NAALADL2: variants seen among roughly 807,000 people sequenced by gnomAD.
NAALADL2 encodes inactive N-acetylated-alpha-linked acidic dipeptidase-like protein 2.
Under a neutral mutation model 87.2 loss-of-function variants are expected in NAALADL2, and 76 were observed. The observed-to-expected ratio is 0.87, with a 90% CI of 0.72 to 1.05. The LOEUF is 1.05. Ranked by LOEUF, NAALADL2 falls within the 50% of genes least tolerant of loss-of-function variation. The pLI is 0.00. For synonymous variants in NAALADL2, 354 were observed against 331.0 expected (o/e 1.07, Z -0.75); for missense variants, 1,089 against 945.8 (o/e 1.15, Z -1.99).
intron 2 of NAALADL2, among the ~76,000 whole-genome samples, chr3:175,161,051 T>C (rs896734425): frequency 2.6e-5 from 4 of 152,132 alleles, no homozygotes; most frequent in African/African-American, 4.8e-5. Context: ...AAAAAGTACA[T>C]ATGGAAGCAT....
chr3:175,032,699 T>TA (rs1387144747), intron 1 of NAALADL2, among the ~76,000 whole-genome samples: 1 of 152,134 alleles, frequency 6.6e-6, no homozygotes, highest in South Asian at 2.1e-4. Flanking sequence ...ACTACAAAAT[T>TA]AAAAAATATA....
chr3:174,800,315 G>C (rs1718671167), intron 3 of NAALADL2, among the ~76,000 whole-genome samples: 1 of 152,100 alleles, frequency 6.6e-6, no homozygotes, highest in South Asian at 2.1e-4. Context: ...ATGCAGTCTA[G>C]GGACTTGGTA....
At chr3:175,131,979 A>C (rs868490680) in intron 2 of NAALADL2, among the ~76,000 whole-genome samples, 1 of 87,000 alleles carries the variant, frequency 1.1e-5, no homozygotes, top group African/African-American at 4.5e-5. Context: ...CGGACGGGGC[A>C]GCTGGCCGGG....
rs559068571 is a variant in NAALADL2, at chr3:175,370,982, G to A, written c.1090+46657G>A. On this transcript the variant is annotated intron_variant, in intron 5 of 13. Transcript: ENST00000454872. Reference sequence around the variant, plus strand: ...ACATTATGTTCAGAATCATTGAAATGTCTGACAACACTGTTGATTAAAAAT... The same window carrying A: ...ACATTATGTTCAGAATCATTGAAATATCTGACAACACTGTTGATTAAAAAT... 2.0e-5 allele frequency among the ~76,000 whole-genome samples: 3 copies of A among 152,192 alleles called. No homozygotes were observed. The South Asian group carries it at 6.2e-4, about 32-fold the overall frequency.
intron 2 of NAALADL2, among the ~76,000 whole-genome samples, chr3:175,151,783 G>C (rs1054921645): frequency 1.3e-5 from 2 of 151,978 alleles, no homozygotes; most frequent in African/African-American, 4.8e-5. Flanking sequence ...ATCATCAAAG[G>C]CTATGGATTA....
In NAALADL2 at chr3:174,609,727, T is replaced by G. The variant is rs184755679; in HGVS notation, c.-115+59090T>G. Among the ~76,000 whole-genome samples, 239 of 152,218 alleles carry G rather than the reference T, an allele frequency of 1.6e-3. 2 individuals are homozygous for G. Among genetic ancestry groups the G allele is most frequent in the African/African-American group, 5.7e-3 (235 of 41,520 alleles). ...GTAGGAAGAATCAATATCGTGAAAA[T>G]GGCCATACTGCCCAAGGTAATTTAT... On this transcript the variant is annotated intron_variant, in intron 2 of 3. Transcript: ENST00000434257.
chr3:174,528,752 A>G (rs1490479593), intron 1 of NAALADL2, among the ~76,000 whole-genome samples: 1 of 152,220 alleles, frequency 6.6e-6, no homozygotes, highest in Admixed American at 6.5e-5. Context: ...ATGGTGGCAG[A>G]TAAGAGAAGA....
intron 11 of NAALADL2, among the ~76,000 whole-genome samples, chr3:175,666,876 AATTAT>A: frequency 6.6e-6 from 1 of 152,204 alleles, no homozygotes; most frequent in African/African-American, 2.4e-5. Context: ...AATAAGAACA[AATTAT>A]ATTAGCACTT....
chr3:175,179,787 A>C (rs1361368143), intron 2 of NAALADL2, among the ~76,000 whole-genome samples: 1 of 151,938 alleles, frequency 6.6e-6, no homozygotes, highest in Non-Finnish European at 1.5e-5. Context: ...ATTTTGTTGC[A>C]TTTCAATTAC....
chr3:175,435,084 A>T (rs1718401017), intron 5 of NAALADL2, among the ~76,000 whole-genome samples: 1 of 152,040 alleles, frequency 6.6e-6, no homozygotes, highest in African/African-American at 2.4e-5. Context: ...TCTGAAATAG[A>T]TTTAAAAAAT....
chr3:174,739,456 T>C (rs1733545787), intron 3 of NAALADL2, among the ~76,000 whole-genome samples: 1 of 152,096 alleles, frequency 6.6e-6, no homozygotes, highest in African/African-American at 2.4e-5. Context: ...TCTCTATGGT[T>C]TCATTTGGGC....
At position 175,090,155 on chromosome 3, in the gene NAALADL2, C is replaced by T. The variant is rs185992441; in HGVS notation, c.44-6635C>T. ...AGGTGGAATTGGACAACAAAAAGGA[C>T]CAAGAAAAAAGGAGCCCATGGCAGG... On this transcript the variant is annotated intron_variant, in intron 1 of 13. Coordinates refer to ENST00000454872, the MANE Select transcript of NAALADL2 (RefSeq NM_207015.3). 3.9e-4 allele frequency among the ~76,000 whole-genome samples: 59 copies of T among 151,840 alleles called. 1 individual carries two copies. The highest frequency in any genetic ancestry group is 1.6e-3 in the Admixed American group (25 of 15,238).
rs1228138337 is a variant in NAALADL2 at position 175,793,403 on chromosome 3, G to T, written c.2190-9602G>T. Among the ~76,000 whole-genome samples, 3 of 147,488 alleles carry T rather than the reference G, an allele frequency of 2.0e-5. No homozygotes were observed. The South Asian group carries it at 6.6e-4, about 32-fold the overall frequency. Reference sequence around the variant, plus strand: ...TGGCTCACTGCAAGCTCGGCCACCCGTGTTCACGCCATTCTCCTGCCTCAC... The same window carrying T: ...TGGCTCACTGCAAGCTCGGCCACCCTTGTTCACGCCATTCTCCTGCCTCAC... On this transcript the variant is annotated intron_variant, in intron 13 of 13. Coordinates refer to ENST00000454872, the MANE Select transcript of NAALADL2 (RefSeq NM_207015.3).
chr3:174,732,892 T>C (rs1355586228), intron 2 of NAALADL2, among the ~76,000 whole-genome samples: 1 of 152,188 alleles, frequency 6.6e-6, no homozygotes, highest in Admixed American at 6.5e-5. Flanking sequence ...TTCTTTTATA[T>C]GTGGTGCTTA....
At chr3:174,784,674 A>G (rs1716389288) in intron 3 of NAALADL2, among the ~76,000 whole-genome samples, 1 of 152,228 alleles carries the variant, frequency 6.6e-6, no homozygotes, top group Non-Finnish European at 1.5e-5. Context: ...CTAATAGTAG[A>G]GAATCACAGA....
At chr3:174,611,662 G>T (rs1196431626) in intron 2 of NAALADL2, among the ~76,000 whole-genome samples, 1 of 151,940 alleles carries the variant, frequency 6.6e-6, no homozygotes, top group Non-Finnish European at 1.5e-5. Flanking sequence ...TGTGATCTCG[G>T]CTCGCTGCAA....
intron 10 of NAALADL2, among the ~76,000 whole-genome samples, chr3:175,589,234 G>A (rs1387958193): frequency 6.6e-6 from 1 of 152,144 alleles, no homozygotes; most frequent in Non-Finnish European, 1.5e-5. Context: ...TAACCCTGCT[G>A]TGTAGCATAA....
intron 3 of NAALADL2, among the ~76,000 whole-genome samples, chr3:174,773,139 G>A (rs1445327987): frequency 6.6e-6 from 1 of 152,138 alleles, no homozygotes; most frequent in Non-Finnish European, 1.5e-5. Context: ...GACAGAGAGT[G>A]AATGGAAAGA....
Position 174,547,544 on chromosome 3 carries a change from A to G in NAALADL2, c.-183-3025A>G, listed in dbSNP as rs563699967. ...TTTGGGCCTAATAATGTGAATCCCAATAATAAGGAATAATAATAATAATGT... is the reference window on the plus strand; with the variant it reads ...TTTGGGCCTAATAATGTGAATCCCAGTAATAAGGAATAATAATAATAATGT... On this transcript the variant is annotated intron_variant, in intron 1 of 3. Transcript: ENST00000434257. Among the ~76,000 whole-genome samples, 7 of 152,096 alleles carry G rather than the reference A, an allele frequency of 4.6e-5. No homozygotes were observed. The East Asian group carries it at 1.4e-3, about 29-fold the overall frequency.
Sources: allele counts gnomAD v4.1 joint callset (sites outside exome capture counted in the v4.1 genomes callset), GRCh38; gene constraint gnomAD v4.1.1; transcripts MANE v1.5; gene names NCBI Gene and HGNC (gene_info 2026-07-23, HGNC 2026-07-21).